The following NMNAT1 variants were observed in gnomAD, a reference collection of about 807,000 sequenced individuals.
The protein encoded by NMNAT1 is nicotinamide/nicotinic acid mononucleotide adenylyltransferase 1.
Under a neutral mutation model 16.7 loss-of-function variants are expected in NMNAT1, and 11 were observed. The observed-to-expected ratio is 0.66, with a 90% CI of 0.41 to 1.09. The LOEUF (loss-of-function observed/expected upper bound fraction) is 1.09. NMNAT1 is among the 50% of genes least tolerant of loss of function. NMNAT1 has a pLI of 0.00. For missense variants in NMNAT1, 280 were observed against 332.3 expected, an observed-to-expected ratio of 0.84 and a Z score of 1.22; for synonymous variants, 110 against 119.8, an observed-to-expected ratio of 0.92 and a Z score of 0.53.
intron 3 of NMNAT1, among the ~76,000 whole-genome samples, chr1:9,979,956 A>G (rs1444101430): frequency 1.3e-5 from 2 of 149,768 alleles, no homozygotes; most frequent in Non-Finnish European, 3.0e-5. Flanking sequence ...TTTGAGGCGG[A>G]GTTTTGCTCT....
chr1:9,975,870 T>C (rs1641795776), intron 3 of NMNAT1, 95 bp downstream of exon 3: 2 of 1,032,418 alleles, frequency 1.9e-6, no homozygotes, highest in Admixed American at 4.4e-5. Context: ...TCTGTGAACA[T>C]ACAGATTTGC....
chr1:9,979,616 T>C (rs374429466), intron 3 of NMNAT1, among the ~76,000 whole-genome samples: 25 of 152,016 alleles, frequency 1.6e-4, no homozygotes, highest in East Asian at 1.6e-3. Flanking sequence ...CTGGCTAACA[T>C]GGTGAAACCC....
At chr1:9,960,582 C>G (rs1046862546) in intron 1 of NMNAT1, 8 of 152,084 alleles carry the variant, frequency 5.3e-5, no homozygotes, top group Non-Finnish European at 8.8e-5. Context: ...GTGGCTGGGA[C>G]TACAGCCACG....
intron 1 of NMNAT1, among the ~76,000 whole-genome samples, chr1:9,952,827 C>T (rs1641148349): frequency 2.0e-5 from 3 of 152,096 alleles, no homozygotes; most frequent in Non-Finnish European, 4.4e-5. Context: ...GCGTGAGCCA[C>T]CACGCTCGGC....
intron 1 of NMNAT1, among the ~76,000 whole-genome samples, chr1:9,968,711 C>T (rs933218340): frequency 7.6e-5 from 11 of 144,446 alleles, no homozygotes; most frequent in African/African-American, 2.8e-4. Context: ...GCGGAGCTTG[C>T]AGTGAGTCGA....
At chr1:9,977,974 C>A (rs1166578721) in intron 3 of NMNAT1, among the ~76,000 whole-genome samples, 1 of 152,202 alleles carries the variant, frequency 6.6e-6, no homozygotes, top group Non-Finnish European at 1.5e-5. Flanking sequence ...TGAACTGTCT[C>A]AGTCTCCTGA....
chr1:9,968,319 A>G (rs1256528960), intron 1 of NMNAT1, among the ~76,000 whole-genome samples: 2 of 151,154 alleles, frequency 1.3e-5, no homozygotes, highest in African/African-American at 4.8e-5. Context: ...TGATCTGCCC[A>G]TCTTGGCCTC....
chr1:9,991,464 C>T, the NMNAT1 span, among the ~76,000 whole-genome samples: 1 of 152,162 alleles, frequency 6.6e-6, no homozygotes, highest in South Asian at 2.1e-4. Flanking sequence ...GCCACCGCAC[C>T]AAGCCTGGAA....
chr1:9,995,922 G>C, the NMNAT1 span, among the ~76,000 whole-genome samples: 1 of 150,204 alleles, frequency 6.7e-6, no homozygotes, highest in Non-Finnish European at 1.5e-5. Flanking sequence ...CCAGCTACTC[G>C]GGAGGCTGAG....
chr1:9,988,394 G>A (rs907881820), downstream of NMNAT1, among the ~76,000 whole-genome samples: 1 of 152,034 alleles, frequency 6.6e-6, no homozygotes, highest in Non-Finnish European at 1.5e-5. Flanking sequence ...TCATAAGAAA[G>A]CTGCTTAAGA....
At position 9,965,114 on chromosome 1, in the gene NMNAT1, C is replaced by G. The variant is rs527796087; in HGVS notation, c.-56-6904C>G. On this transcript the variant is annotated intron_variant, in intron 1 of 4. Coordinates refer to ENST00000377205, the MANE Select transcript of NMNAT1 (RefSeq NM_022787.4). The stretch of plus-strand genomic sequence containing the variant: ...CGGGTGGATCACCAGGTCAAGAGAT[C>G]AAGACCATCCTGGCGAACATGGTGA... Among the ~76,000 whole-genome samples the G allele has an allele frequency of 7.3e-5, 11 of 151,690 alleles. No homozygotes were observed. The South Asian group carries it at 1.7e-3, about 23-fold the overall frequency.
chr1:9,975,502 C>A, intron 2 of NMNAT1, 90 bp from the exon 3 acceptor site: 1 of 1,117,680 alleles, frequency 8.9e-7, no homozygotes, highest in Non-Finnish European at 1.3e-6. Context: ...TCTCAAAAAA[C>A]AAAACAAAAC....
intron 1 of NMNAT1, chr1:9,949,582 G>T (rs957372982): frequency 6.8e-6 from 1 of 147,454 alleles, no homozygotes; most frequent in African/African-American, 2.5e-5. Flanking sequence ...GCTAATTTTT[G>T]TGTGTGTATA....
At chr1:9,968,080 G>GTTTTTTTTTTT (rs6143117) in intron 1 of NMNAT1, among the ~76,000 whole-genome samples, 64,550 of 116,202 alleles carry the variant, frequency 0.56, 23,361 homozygotes, top group Non-Finnish European at 0.77. Flanking sequence ...TTTTTTTTTT[G>GTTTTTTTTTTT]TTTTTTTTTG....
chr1:9,994,961 T>A, the NMNAT1 span, among the ~76,000 whole-genome samples: 1 of 152,130 alleles, frequency 6.6e-6, no homozygotes, highest in African/African-American at 2.4e-5. Context: ...TTGACCAGGC[T>A]GGTCTCAAAC....
intron 2 of NMNAT1, among the ~76,000 whole-genome samples, chr1:9,973,021 T>C (rs190749964): frequency 2.0e-4 from 31 of 152,328 alleles, no homozygotes; most frequent in Non-Finnish European, 4.4e-4. Context: ...CTTTAGGAGT[T>C]TCCCATTACT....
the NMNAT1 span, among the ~76,000 whole-genome samples, chr1:9,993,491 A>G: frequency 6.6e-6 from 1 of 152,102 alleles, no homozygotes; most frequent in Non-Finnish European, 1.5e-5. Flanking sequence ...AAAAAAGAAA[A>G]GAAAAAAGAA....
Position 9,972,172 on chromosome 1 carries a change from C to T in NMNAT1, c.99C>T (p.Asp33=). The T allele has an allele frequency of 2.5e-6, 4 of 1,602,704 alleles. No individual in the cohort carries two copies. Among genetic ancestry groups the T allele is most frequent in the Non-Finnish European group, 3.4e-6 (4 of 1,169,788 alleles). The change falls in exon 2 of 5, where the codon GAC becomes GAT. Residue 33 remains aspartate, a synonymous_variant. Transcript: ENST00000377205. ...TCAGGTTGTTTGAGCTGGCCAAGGA[C>T]TACATGAATGGAACAGGTAGGAGCA... ...MHLRLFELAK[D]YMNGTGRYTV...
chr1:9,964,415 T>C (rs1282607004), intron 1 of NMNAT1, among the ~76,000 whole-genome samples: 1 of 151,742 alleles, frequency 6.6e-6, no homozygotes, highest in Non-Finnish European at 1.5e-5. Context: ...GATGTGTGCC[T>C]GCAGTCCCAG....
Sources: gnomAD v4.1 joint callset for allele counts (sites outside exome capture counted in the v4.1 genomes callset) on GRCh38, gnomAD v4.1.1 for gene constraint, MANE v1.5 for transcripts, NCBI Gene and HGNC (gene_info 2026-07-23, HGNC 2026-07-21) for gene names.